The following TP53BP1 variants were observed in gnomAD, a reference collection of about 807,000 sequenced individuals.
TP53BP1 encodes tumor protein p53 binding protein 1.
TP53BP1 carries 61 observed loss-of-function variants against 200.8 expected under a neutral mutation model. The ratio of observed to expected loss-of-function variants is 0.30; its 90% confidence interval spans 0.25 to 0.38. The LOEUF (loss-of-function observed/expected upper bound fraction) is 0.38, where lower values mean the gene tolerates loss of function less well. TP53BP1 is among the 10% of genes least tolerant of loss of function. The pLI is 1.00. For synonymous variants in TP53BP1, 822 were observed against 844.3 expected, an observed-to-expected ratio of 0.97 and a Z score of 0.46; for missense variants, 2,144 against 2,371.9, an observed-to-expected ratio of 0.90 and a Z score of 2.00.
intron 11 of TP53BP1, among the ~76,000 whole-genome samples, chr15:43,458,350 T>C (rs1218422410): frequency 1.3e-5 from 2 of 151,188 alleles, no homozygotes; most frequent in Admixed American, 1.3e-4. Context: ...GAGAATCACT[T>C]GAACCCAGGA....
Position 43,415,645 on chromosome 15 carries a change from C to T in TP53BP1, c.5038G>A (p.Glu1680Lys), listed in dbSNP as rs1159332508. 1 of 1,614,208 alleles carries T rather than the reference C, an allele frequency of 6.2e-7. No individual in the cohort carries two copies. The highest frequency in any genetic ancestry group is 2.2e-5 in the East Asian group (1 of 44,892). Residue 1680 changes from glutamate (E) to lysine (K), a missense_variant, in exon 23 of 28, where the codon GAG (glutamate) becomes AAG (lysine). This residue lies in a region of TP53BP1 where 334 missense variants were observed against 453.4 expected (regional missense o/e 0.74). Transcript: ENST00000382044. The part of the protein sequence containing the change: ...SGKRKLITSE[E>K]ERSPAKRGRK... The stretch of plus-strand genomic sequence containing the variant: ...CCTCGCTTGGCAGGGGACCGTTCCT[C>T]TTCAGAAGTGATAAGTTTTCTTTTG...
intron 18 of TP53BP1, among the ~76,000 whole-genome samples, chr15:43,424,923 C>G (rs924142348): frequency 6.6e-6 from 1 of 152,206 alleles, no homozygotes; most frequent in African/African-American, 2.4e-5. Flanking sequence ...TGGATTAGTT[C>G]ATTCATGGAT....
chr15:43,496,700 G>A (rs575936172), upstream of TP53BP1, among the ~76,000 whole-genome samples: 3 of 148,720 alleles, frequency 2.0e-5, no homozygotes, highest in South Asian at 2.1e-4. Flanking sequence ...CTCCGCTTAC[G>A]GCAACCCCTG....
chr15:43,423,514 G>A (rs535964146), intron 18 of TP53BP1, among the ~76,000 whole-genome samples: 13 of 151,748 alleles, frequency 8.6e-5, no homozygotes, highest in African/African-American at 2.9e-4. Flanking sequence ...AAAAATAGCC[G>A]GGCATGGTGG....
At chr15:43,449,252 A>C (rs2046112665) in intron 12 of TP53BP1, among the ~76,000 whole-genome samples, 1 of 152,252 alleles carries the variant, frequency 6.6e-6, no homozygotes, top group Non-Finnish European at 1.5e-5. Context: ...CAGGTAGATA[A>C]GCATTCATTC....
Position 43,407,308 on chromosome 15 carries a change from C to T in TP53BP1, c.*75G>A. 7.6e-7 allele frequency: 1 copy of T among 1,320,456 alleles called. No individual in the cohort carries two copies. The highest frequency in any genetic ancestry group is 1.1e-6 in the Non-Finnish European group (1 of 931,102). 81.8% of individuals were successfully genotyped at this position (1,320,456 alleles called of 1,614,324 possible). ...TCCATGCAAGGAATCCAGTTACACA[C>T]AAGACACATTTAAAACCTGGTTAAA... On this transcript the variant is annotated 3_prime_UTR_variant, in exon 28 of 28. Transcript: ENST00000382044.
At chr15:43,466,617 G>A (rs866587519) in intron 11 of TP53BP1, among the ~76,000 whole-genome samples, 20 of 152,150 alleles carry the variant, frequency 1.3e-4, no homozygotes, top group African/African-American at 4.3e-4. Context: ...AGCATTTTGG[G>A]AGGCCAAGGC....
At chr15:43,432,951 A>C (rs1488977112) in intron 16 of TP53BP1, among the ~76,000 whole-genome samples, 1 of 152,152 alleles carries the variant, frequency 6.6e-6, no homozygotes, top group African/African-American at 2.4e-5. Context: ...ATCACTAGCT[A>C]TGAACTCTGA....
chr15:43,439,480 G>A (rs978761672), intron 15 of TP53BP1, among the ~76,000 whole-genome samples: 1 of 152,142 alleles, frequency 6.6e-6, no homozygotes, highest in African/African-American at 2.4e-5. Flanking sequence ...AGGCTGCAGT[G>A]AACTGTGATT....
intron 18 of TP53BP1, among the ~76,000 whole-genome samples, chr15:43,422,518 G>T (rs1228560381): frequency 6.6e-6 from 1 of 152,198 alleles, no homozygotes; most frequent in East Asian, 1.9e-4. Context: ...CTAGACGACA[G>T]AAGTAAATTC....
At chr15:43,442,550 T>G (rs1382362372) in intron 14 of TP53BP1, among the ~76,000 whole-genome samples, 2 of 151,636 alleles carry the variant, frequency 1.3e-5, no homozygotes, top group Non-Finnish European at 2.9e-5. Flanking sequence ...CAGGCTAGAG[T>G]GCAGCGGCGT....
At chr15:43,457,671 C>CAAAAAAAAA (rs56866996) in intron 11 of TP53BP1, among the ~76,000 whole-genome samples, 1 of 19,108 alleles carries the variant, frequency 5.2e-5, no homozygotes. Context: ...GACTCCATCT[C>CAAAAAAAAA]AAAAAAAAAA....
At chr15:43,485,509 G>A (rs1247816468) in intron 4 of TP53BP1, among the ~76,000 whole-genome samples, 4 of 146,540 alleles carry the variant, frequency 2.7e-5, no homozygotes, top group African/African-American at 7.5e-5. Flanking sequence ...CCCAGGAGGC[G>A]GAGCTTGCAG....
rs2046280922 is a variant in TP53BP1, at chr15:43,455,873, A to C, written c.2716+19T>G. On this transcript the variant is annotated intron_variant, in intron 12 of 27. Transcript: ENST00000382044. ...TTATAATTTAGGTGGAGACAAGAAT[A>C]ATCTACAATCACACTCACCACTAGA... is the stretch of plus-strand genomic sequence containing the variant. 2 of 1,609,754 alleles carry C rather than the reference A, an allele frequency of 1.2e-6. No individual in the cohort carries two copies. Among genetic ancestry groups the C allele is most frequent in the Non-Finnish European group, 1.7e-6 (2 of 1,178,970 alleles).
chr15:43,473,240 G>A, intron 10 of TP53BP1, among the ~76,000 whole-genome samples: 1 of 152,124 alleles, frequency 6.6e-6, no homozygotes, highest in East Asian at 1.9e-4. Flanking sequence ...CTTCCACACT[G>A]TGGAAGGGGA....
intron 4 of TP53BP1, among the ~76,000 whole-genome samples, chr15:43,487,731 G>A (rs1050645385): frequency 6.6e-6 from 1 of 150,704 alleles, no homozygotes; most frequent in African/African-American, 2.5e-5. Flanking sequence ...AGTGGAGGTT[G>A]CAGTGAGCTG....
At chr15:43,429,440 C>T (rs2045622538) in intron 17 of TP53BP1, among the ~76,000 whole-genome samples, 1 of 152,196 alleles carries the variant, frequency 6.6e-6, no homozygotes, top group Admixed American at 6.5e-5. Context: ...TGTCTCTCAC[C>T]TTATCTCCCC....
chr15:43,440,223 C>G (rs937070839), intron 15 of TP53BP1, among the ~76,000 whole-genome samples: 1 of 152,162 alleles, frequency 6.6e-6, no homozygotes, highest in African/African-American at 2.4e-5. Context: ...TTGAGTGGGG[C>G]ACACCCTTTC....
rs1207216150 is a variant in TP53BP1, at chr15:43,479,977, G to C, written c.540C>G (p.Leu180=). ...TTTCCTCAACATCCTGGCTCTGGGA[G>C]AGTTCCAGAACCCCAAAACCCAACT... ...SSQLGFGVLE[L]SQSQDVEENT... is the part of the protein sequence containing the mutation. Residue 180 remains leucine, a synonymous_variant, in exon 6 of 28, where the codon CTC becomes CTG. Coordinates refer to ENST00000382044, the MANE Select transcript of TP53BP1 (RefSeq NM_001141980.3). The C allele has an allele frequency of 1.2e-6, 2 of 1,614,074 alleles. No homozygotes were observed. The highest frequency in any genetic ancestry group is 3.3e-5 in the Admixed American group (2 of 60,006).
Sources: gnomAD v4.1 joint callset for allele counts (sites outside exome capture counted in the v4.1 genomes callset) on GRCh38, gnomAD v4.1.1 for gene constraint, gnomAD v4.1.1 regional missense constraint, MANE v1.5 for transcripts, NCBI Gene and HGNC (gene_info 2026-07-23, HGNC 2026-07-21) for gene names.